Variants in TMCO6 observed in about 807,000 individuals in gnomAD.
TMCO6 encodes transmembrane and coiled-coil domain-containing protein 6.
A neutral mutation model predicts 61.8 loss-of-function variants in TMCO6; 47 were observed. The ratio of observed to expected loss-of-function variants is 0.76; its 90% CI spans 0.60 to 0.97. The LOEUF is 0.97. Among genes scored for constraint, TMCO6 ranks in the 50% least tolerant of loss-of-function variants. TMCO6 has a pLI of 0.00. For synonymous variants in TMCO6, 261 were observed against 254.2 expected, an observed-to-expected ratio of 1.03 and a Z score of -0.25; for missense variants, 557 against 601.6, an observed-to-expected ratio of 0.93 and a Z score of 0.78.
At chr5:140,630,050 C>T in the TMCO6 span, among the ~76,000 whole-genome samples, 1 of 150,952 alleles carries the variant, frequency 6.6e-6, no homozygotes, top group Non-Finnish European at 1.5e-5. Context: ...AGTGCAGTGG[C>T]GTGATCTTGG....
chr5:140,638,803 C>T (rs1199108304), upstream of TMCO6: 1 of 152,120 alleles, frequency 6.6e-6, no homozygotes, highest in Non-Finnish European at 1.5e-5. Context: ...CTGATCCACC[C>T]GCCCAGGCCT....
chr5:140,623,134 T>C, the TMCO6 span, among the ~76,000 whole-genome samples: 74 of 152,308 alleles, frequency 4.9e-4, 1 homozygote, highest in Middle Eastern at 6.8e-3. Context: ...GAAAACCCAG[T>C]TCCCCTTGAG....
the TMCO6 span, among the ~76,000 whole-genome samples, chr5:140,605,225 T>G: frequency 9.2e-5 from 14 of 152,248 alleles, no homozygotes; most frequent in Non-Finnish European, 1.6e-4. Flanking sequence ...CCCAATAGTT[T>G]TTTTGTGAAT....
In TMCO6 at chr5:140,643,763, C is replaced by G; in HGVS notation, c.919-17C>G. The stretch of plus-strand genomic sequence containing the variant: ...CCTCTTCCTTCTTACACCTGACCCC[C>G]CAATTTGTCTTTGCAGCTGGCATGC... On this transcript the variant is annotated splice_polypyrimidine_tract_variant and intron_variant, in intron 8 of 11. Coordinates refer to ENST00000394671, the MANE Select transcript of TMCO6 (RefSeq NM_018502.5). 6.2e-7 allele frequency: 1 copy of G among 1,612,108 alleles called. No individual in the cohort carries two copies.
upstream of TMCO6, among the ~76,000 whole-genome samples, chr5:140,638,569 T>C (rs545201494): frequency 2.6e-4 from 38 of 148,468 alleles, no homozygotes; most frequent in African/African-American, 7.5e-4. Context: ...TTCTTTCTTT[T>C]TTTTTTTTTT....
At chr5:140,599,371 A>T in the TMCO6 span, among the ~76,000 whole-genome samples, 1 of 151,586 alleles carries the variant, frequency 6.6e-6, no homozygotes, top group Non-Finnish European at 1.5e-5. Context: ...GGATCCCTTT[A>T]AGAGGGCAGT....
At chr5:140,640,726 A>G (rs1248169477) in intron 2 of TMCO6, among the ~76,000 whole-genome samples, 1 of 152,096 alleles carries the variant, frequency 6.6e-6, no homozygotes, top group East Asian at 1.9e-4. Context: ...AATATTAATC[A>G]TTATCTAATG....
the TMCO6 span, chr5:140,632,314 TG>T: frequency 3.1e-6 from 5 of 1,613,916 alleles, no homozygotes; most frequent in Non-Finnish European, 4.2e-6. The surrounding 1 kb of genome is among the most constrained non-coding windows in gnomAD (Gnocchi z 6.2). Context: ...AGATTCTGGA[TG>T]GCCGGGAACT....
At chr5:140,615,133 A>G in the TMCO6 span, among the ~76,000 whole-genome samples, 2 of 152,220 alleles carry the variant, frequency 1.3e-5, no homozygotes, top group African/African-American at 2.4e-5. Flanking sequence ...CTGAAAAATC[A>G]CTGTTTCTAT....
chr5:140,635,644 A>G (rs1756755261), upstream of TMCO6, among the ~76,000 whole-genome samples: 1 of 152,236 alleles, frequency 6.6e-6, no homozygotes, highest in Non-Finnish European at 1.5e-5. Flanking sequence ...TGGGACACAG[A>G]CATGACAAAG....
In TMCO6 at chr5:140,639,554, C is replaced by G. The variant is rs142951190; in HGVS notation, c.27C>G (p.Leu9=). 2.2e-3 allele frequency: 3,483 copies of G among 1,549,686 alleles called. 12 individuals are homozygous for G. Among genetic ancestry groups the G allele is most frequent in the Middle Eastern group, 0.01 (59 of 5,864 alleles). ...TGTGGAGCCGACGGCAGGGCCGCCT[C>G]AGGCCCACGGTCTGCGGGGTGGAGG... MWSRRQGR[L]RPTVCGVEEL... The change falls in exon 1 of 12, where the codon CTC becomes CTG. Residue 9 remains leucine, a synonymous_variant. Transcript: ENST00000394671.
At chr5:140,622,884 A>C in the TMCO6 span, among the ~76,000 whole-genome samples, 1 of 152,038 alleles carries the variant, frequency 6.6e-6, no homozygotes, top group Non-Finnish European at 1.5e-5. Flanking sequence ...TTATGTATTT[A>C]TATTTTATTT....
downstream of TMCO6, chr5:140,647,503 C>A: frequency 6.2e-7 from 1 of 1,612,520 alleles, no homozygotes; most frequent in East Asian, 2.2e-5. Context: ...GGCTGCCGGG[C>A]GAGCGCTGAC....
chr5:140,632,156 G>A, the TMCO6 span: 5 of 1,614,124 alleles, frequency 3.1e-6, no homozygotes, highest in Non-Finnish European at 4.2e-6. The surrounding 1 kb of genome is among the most constrained non-coding windows in gnomAD (Gnocchi z 6.2). Context: ...AGTTCAGGGC[G>A]CTGGACCACA....
chr5:140,617,851 G>A, the TMCO6 span, among the ~76,000 whole-genome samples: 1 of 152,014 alleles, frequency 6.6e-6, no homozygotes. Context: ...CCAGAAAATA[G>A]CATGTGTTCA....
At chr5:140,606,089 T>TC in the TMCO6 span, among the ~76,000 whole-genome samples, 1 of 112,040 alleles carries the variant, frequency 8.9e-6, no homozygotes, top group African/African-American at 3.3e-5. Context: ...CCCTCCCCCT[T>TC]CCCCCCCTTC....
At chr5:140,602,385 G>T in the TMCO6 span, among the ~76,000 whole-genome samples, 1 of 152,144 alleles carries the variant, frequency 6.6e-6, no homozygotes, top group African/African-American at 2.4e-5. Flanking sequence ...ATAGTACTTA[G>T]AGCAGTTTGT....
At chr5:140,646,510 G>A (rs1435117390), downstream of TMCO6, among the ~76,000 whole-genome samples, 1 of 151,968 alleles carries the variant, frequency 6.6e-6, no homozygotes, top group Non-Finnish European at 1.5e-5. Flanking sequence ...TGCTTAAGGT[G>A]GTCACTCTCC....
chr5:140,615,911 T>A, the TMCO6 span, among the ~76,000 whole-genome samples: 1 of 152,028 alleles, frequency 6.6e-6, no homozygotes, highest in South Asian at 2.1e-4. Context: ...GGCAGATGGA[T>A]CACGAGGTCA....
Sources: allele counts gnomAD v4.1 joint callset (sites outside exome capture counted in the v4.1 genomes callset), GRCh38; gene constraint gnomAD v4.1.1; non-coding constraint Gnocchi (gnomAD v3.1); transcripts MANE v1.5; gene names NCBI Gene and HGNC (gene_info 2026-07-23, HGNC 2026-07-21).